Variants in ZFYVE28 observed in about 807,000 individuals in gnomAD.
ZFYVE28 encodes the protein lateral signaling target protein 2 homolog.
A neutral mutation model predicts 82.1 loss-of-function variants in ZFYVE28; 40 were observed. The ratio of observed to expected loss-of-function variants is 0.49; its 90% CI spans 0.38 to 0.63. The LOEUF (loss-of-function observed/expected upper bound fraction) is 0.63. Among genes scored for constraint, ZFYVE28 ranks in the 30% least tolerant of loss-of-function variants. The pLI, the probability that ZFYVE28 is intolerant of heterozygous loss-of-function variation, is 0.00. For synonymous variants in ZFYVE28, 612 were observed against 546.1 expected, an observed-to-expected ratio of 1.12 and a Z score of -1.68; for missense variants, 1,321 against 1,242.1, an observed-to-expected ratio of 1.06 and a Z score of -0.96.
intron 1 of ZFYVE28, 39 bp from the exon 2 acceptor site, chr4:2,354,112 A>C (rs1415629171): frequency 6.9e-7 from 1 of 1,453,504 alleles, no homozygotes; most frequent in Non-Finnish European, 9.1e-7. Context: ...GTGGGTGGGG[A>C]ACTGGAGGGG....
chr4:2,308,603 A>G lies in ZFYVE28; in HGVS notation c.804-3067T>C, dbSNP rs137872078. Among the ~76,000 whole-genome samples, 863 of 134,636 alleles carry G rather than the reference A, an allele frequency of 6.4e-3. 14 individuals carry two copies. Among genetic ancestry groups the G allele is most frequent in the African/African-American group, 0.023 (821 of 36,416 alleles). The allele number at this position is 134,636 out of a possible 152,430, so 88.3% of individuals were successfully genotyped here. A position where few individuals can be genotyped will look rare whatever the true frequency, so the allele number is the denominator to read the frequency against. ...CAAGAAAGGAAGGAAGGAGAGACAG[A>G]GAGAGAGAAAGAAAGAAAGAAGACA... On this transcript the variant is annotated intron_variant, in intron 7 of 12. Transcript: ENST00000290974.
intron 2 of ZFYVE28, among the ~76,000 whole-genome samples, chr4:2,350,438 TG>T (rs1250729612): frequency 6.6e-6 from 1 of 150,688 alleles, no homozygotes; most frequent in Non-Finnish European, 1.5e-5. Flanking sequence ...CACTCCAGCC[TG>T]GGCGACAGAG....
intron 1 of ZFYVE28, among the ~76,000 whole-genome samples, chr4:2,395,019 G>A (rs1730279514): frequency 6.6e-6 from 1 of 152,244 alleles, no homozygotes; most frequent in Admixed American, 6.5e-5. Context: ...ATGGCACAGG[G>A]TGTAGTAAGG....
At position 2,332,133 on chromosome 4, in the gene ZFYVE28, C is replaced by T. The variant is rs570542915; in HGVS notation, c.701+3572G>A. Among the ~76,000 whole-genome samples, 497 of 152,280 alleles carry T rather than the reference C, an allele frequency of 3.3e-3. 2 individuals are homozygous for T. Among genetic ancestry groups the T allele is most frequent in the African/African-American group, 0.011 (477 of 41,560 alleles). On this transcript the variant is annotated intron_variant, in intron 6 of 12. Coordinates refer to ENST00000290974, the MANE Select transcript of ZFYVE28 (RefSeq NM_020972.3). This position sits in a 1 kb window ranked among gnomAD's most constrained non-coding sequence, Gnocchi z 4.7. ...GGGCTCTCGGGCAGCAGCACAGTCA[C>T]GGGCAGGAGCCACAGAGGAGCTCCA...
intron 10 of ZFYVE28, among the ~76,000 whole-genome samples, chr4:2,272,456 A>G (rs1735995991): frequency 6.6e-6 from 1 of 152,186 alleles, no homozygotes; most frequent in African/African-American, 2.4e-5. Context: ...GTGCCTAACC[A>G]GTCCCTGCCT....
At chr4:2,315,553 G>A (rs1175604150) in intron 7 of ZFYVE28, among the ~76,000 whole-genome samples, 2 of 152,196 alleles carry the variant, frequency 1.3e-5, no homozygotes, top group East Asian at 1.9e-4. Context: ...GATCACAGGC[G>A]GGAGCCACTG....
Position 2,323,646 on chromosome 4 carries a change from A to G in ZFYVE28, c.702-3375T>C, listed in dbSNP as rs574322804. On this transcript the variant is annotated intron_variant, in intron 6 of 12. Coordinates refer to ENST00000290974, the MANE Select transcript of ZFYVE28 (RefSeq NM_020972.3). ...CCATGCTGGTGCGCTGCACCCATTA[A>G]CTCGTCATCTAGCATTAGGTATATC... 3.8e-3 allele frequency among the ~76,000 whole-genome samples: 566 copies of G among 149,590 alleles called. 4 individuals carry two copies. Among genetic ancestry groups the G allele is most frequent in the African/African-American group, 0.013 (537 of 40,656 alleles).
chr4:2,327,505 T>G (rs989802525), intron 6 of ZFYVE28, among the ~76,000 whole-genome samples: 6 of 151,814 alleles, frequency 4.0e-5, no homozygotes, highest in African/African-American at 1.5e-4. Context: ...GAGTATAACG[T>G]TAGCTGTGGG....
intron 1 of ZFYVE28, among the ~76,000 whole-genome samples, chr4:2,355,059 G>C (rs1466434415): frequency 6.6e-6 from 1 of 151,204 alleles, no homozygotes; most frequent in East Asian, 2.0e-4. Context: ...TGGCCTCCTT[G>C]GTGCTCTACG....
In ZFYVE28 at chr4:2,354,008, C is replaced by A. The variant is rs555916679; in HGVS notation, c.105G>T (p.Ala35=). ...YADEELNQVA[A]ELDSLDGRKD... ...TCCGCCCATCCAGGCTGTCCAGCTC[C>A]GCGGCCACCTGGTTCAGCTCCTCGT... The change falls in exon 2 of 13, where the codon GCG becomes GCT. Residue 35 remains alanine, a synonymous_variant. Coordinates refer to ENST00000290974, the MANE Select transcript of ZFYVE28 (RefSeq NM_020972.3). 6.3e-7 allele frequency: 1 copy of A among 1,582,454 alleles called. No individual in the cohort carries two copies. The highest frequency in any genetic ancestry group is 8.6e-7 in the Non-Finnish European group (1 of 1,164,634).
Position 2,339,390 on chromosome 4 carries a change from G to T in ZFYVE28, c.521+63C>A. On this transcript the variant is annotated intron_variant, in intron 4 of 12. Transcript: ENST00000290974. The surrounding 1 kb of genome is among the most constrained non-coding windows in gnomAD (Gnocchi z 5.0). ...AGCTTGAAGTATCAGGGTGAGCCCC[G>T]GAAGCTGGCACAACCGTCCCCCAGC... 1 of 1,547,696 alleles carries T rather than the reference G, an allele frequency of 6.5e-7. No individual in the cohort carries two copies. The highest frequency in any genetic ancestry group is 8.8e-7 in the Non-Finnish European group (1 of 1,139,358).
In ZFYVE28 at chr4:2,334,860, GCCTCCCCC is replaced by G. The variant is rs1721402448; in HGVS notation, c.701+837_701+844del. On this transcript the variant is annotated intron_variant, in intron 6 of 12. Coordinates refer to ENST00000290974, the MANE Select transcript of ZFYVE28 (RefSeq NM_020972.3). ...TCCCCTCTTCCCCCTCCCCACTTCC[GCCTCCCCC>G]CCAGCTGCAAGCTCCACTAAGCTCT... Among the ~76,000 whole-genome samples the G allele has an allele frequency of 1.0e-3, 58 of 56,832 alleles. 1 individual carries two copies. Among genetic ancestry groups the G allele is most frequent in the African/African-American group, 3.3e-3 (54 of 16,276 alleles). The allele number at this position is 56,832 out of a possible 152,430, so 37.3% of individuals were successfully genotyped here.
At chr4:2,361,423 G>C (rs529920719) in intron 1 of ZFYVE28, among the ~76,000 whole-genome samples, 11 of 152,274 alleles carry the variant, frequency 7.2e-5, no homozygotes, top group African/African-American at 2.2e-4. Flanking sequence ...GAGAGACGCG[G>C]TGCGCACGTG....
chr4:2,304,737 C>T lies in ZFYVE28; in HGVS notation c.1603G>A (p.Glu535Lys). The T allele has an allele frequency of 1.9e-6, 3 of 1,612,674 alleles. No individual in the cohort carries two copies. Among genetic ancestry groups the T allele is most frequent in the Non-Finnish European group, 2.5e-6 (3 of 1,179,942 alleles). The change falls in exon 8 of 13, where the codon GAG (glutamate) becomes AAG (lysine). Residue 535 changes from glutamate to lysine, a missense_variant. By Grantham distance (56) the Glu-to-Lys change is moderately conservative (BLOSUM62 1). Coordinates refer to ENST00000290974, the MANE Select transcript of ZFYVE28 (RefSeq NM_020972.3). Reference protein sequence around the residue: ...TSLDSAVATQEAASEPVAEGM... With the variant: ...TSLDSAVATQKAASEPVAEGM... ...TCGGCCACGGGCTCCGAGGCGGCCT[C>T]CTGGGTGGCGACCGCAGAGTCCAGG...
intron 1 of ZFYVE28, among the ~76,000 whole-genome samples, chr4:2,385,154 C>A (rs2108918394): frequency 6.6e-6 from 1 of 152,320 alleles, no homozygotes; most frequent in Admixed American, 6.5e-5. Context: ...ACTGCAGAGG[C>A]TCTCTGGGAA....
intron 3 of ZFYVE28, among the ~76,000 whole-genome samples, chr4:2,340,822 G>A (rs1578171410): frequency 1.3e-5 from 2 of 152,102 alleles, no homozygotes; most frequent in Non-Finnish European, 2.9e-5. Flanking sequence ...CACAGGGACG[G>A]GGCAGCGTGG....
chr4:2,274,859 C>T (rs961242466), intron 8 of ZFYVE28, among the ~76,000 whole-genome samples: 9 of 136,350 alleles, frequency 6.6e-5, no homozygotes. Flanking sequence ...CACCTGGAGT[C>T]CCCAGAAGCT....
chr4:2,305,528 A>G lies in ZFYVE28; in HGVS notation c.812T>C (p.Leu271Pro). The G allele has an allele frequency of 6.2e-7, 1 of 1,612,992 alleles. No homozygotes were observed. Among genetic ancestry groups the G allele is most frequent in the Non-Finnish European group, 8.5e-7 (1 of 1,180,016 alleles). ...CAGCTCCTCCTCCGTCAGCGTCTGC[A>G]GCAAATCCCTACGAATCAAGACAAA... ...HTLLRKIRDL[L>P]QTLTEEELHT... The change falls in exon 8 of 13, where the codon CTG (leucine) becomes CCG (proline). Residue 271 changes from leucine (L) to proline (P), a missense_variant. Physicochemically the swap from Leu to Pro is moderately conservative, Grantham distance 98. Around this residue, in one of 2 missense-constraint regions of ZFYVE28, gnomAD observed 343 missense variants for 408.4 expected, o/e 0.84. Coordinates refer to ENST00000290974, the MANE Select transcript of ZFYVE28 (RefSeq NM_020972.3).
At chr4:2,364,903 C>A (rs1726671348) in intron 1 of ZFYVE28, 2 of 985,530 alleles carry the variant, frequency 2.0e-6, no homozygotes, top group African/African-American at 1.7e-5. Context: ...AGAGGCGGCG[C>A]GGAGGGACAG....
Sources: gnomAD v4.1 joint callset for allele counts (sites outside exome capture counted in the v4.1 genomes callset) on GRCh38, gnomAD v4.1.1 for gene constraint, gnomAD v4.1.1 regional missense constraint, Gnocchi (gnomAD v3.1) non-coding constraint, MANE v1.5 for transcripts, NCBI Gene and HGNC (gene_info 2026-07-23, HGNC 2026-07-21) for gene names.